Variants in TBXAS1 observed in about 807,000 individuals in gnomAD.
TBXAS1 encodes the protein thromboxane-A synthase.
TBXAS1 carries 48 observed loss-of-function variants against 60.7 expected under a neutral mutation model. The observed-to-expected ratio is 0.79, with a 90% CI of 0.63 to 1.01. TBXAS1 has a LOEUF of 1.01. Among genes scored for constraint, TBXAS1 ranks in the 50% least tolerant of loss-of-function variants. TBXAS1 has a pLI of 0.00. For missense variants in TBXAS1, 685 were observed against 686.3 expected (o/e 1.00, Z 0.02); for synonymous variants, 287 against 269.7 (o/e 1.06, Z -0.63).
At chr7:139,880,202 T>C (rs972228311) in intron 3 of TBXAS1, among the ~76,000 whole-genome samples, 7 of 152,212 alleles carry the variant, frequency 4.6e-5, no homozygotes, top group African/African-American at 1.7e-4. Flanking sequence ...GTCTTTTAAA[T>C]GCTTGCTCTA....
chr7:139,837,577 C>A (rs948210084), intron 1 of TBXAS1, among the ~76,000 whole-genome samples: 2 of 152,088 alleles, frequency 1.3e-5, no homozygotes. Context: ...AACCAAACAC[C>A]GTATGTTCTC....
At chr7:139,978,735 C>G (rs1252020866) in intron 9 of TBXAS1, among the ~76,000 whole-genome samples, 2 of 120,868 alleles carry the variant, frequency 1.7e-5, no homozygotes, top group Non-Finnish European at 3.3e-5. Context: ...GCAGGGAGTT[C>G]AATACCAGCT....
intron 9 of TBXAS1, among the ~76,000 whole-genome samples, chr7:139,972,016 C>T (rs1165380191): frequency 6.6e-6 from 1 of 152,196 alleles, no homozygotes; most frequent in Non-Finnish European, 1.5e-5. Flanking sequence ...CACATGCCTG[C>T]AATGGGGGTG....
intron 1 of TBXAS1, among the ~76,000 whole-genome samples, chr7:139,862,821 T>C (rs542692749): frequency 2.8e-4 from 42 of 152,340 alleles, no homozygotes; most frequent in African/African-American, 6.7e-4. Flanking sequence ...GTATATGTTA[T>C]TAATACACTT....
intron 4 of TBXAS1, among the ~76,000 whole-genome samples, chr7:139,926,679 A>G (rs1217141196): frequency 1.3e-5 from 2 of 149,882 alleles, no homozygotes; most frequent in African/African-American, 4.9e-5. Flanking sequence ...CTTTGGCTTT[A>G]GCTCCTGCTT....
chr7:139,965,752 C>T (rs1810738915), intron 9 of TBXAS1, among the ~76,000 whole-genome samples: 1 of 152,194 alleles, frequency 6.6e-6, no homozygotes, highest in Non-Finnish European at 1.5e-5. Context: ...GGAATATCTA[C>T]AGCTGTCTTT....
At chr7:139,910,653 T>A (rs1030504558) in intron 3 of TBXAS1, among the ~76,000 whole-genome samples, 3 of 152,186 alleles carry the variant, frequency 2.0e-5, no homozygotes, top group Non-Finnish European at 1.5e-5. Context: ...AAAAATAAAA[T>A]TTTAAAAAGT....
At chr7:140,014,717 TG>T (rs1437208820) in intron 10 of TBXAS1, among the ~76,000 whole-genome samples, 1 of 151,784 alleles carries the variant, frequency 6.6e-6, no homozygotes, top group Non-Finnish European at 1.5e-5. Flanking sequence ...GAGACCAGCC[TG>T]ACCAACATGG....
At chr7:139,920,316 A>G (rs1806358930) in intron 4 of TBXAS1, among the ~76,000 whole-genome samples, 1 of 152,124 alleles carries the variant, frequency 6.6e-6, no homozygotes, top group African/African-American at 2.4e-5. Context: ...GTTAAACCAC[A>G]CTTTCCTCTC....
chr7:139,898,986 C>T (rs747503575), intron 3 of TBXAS1, among the ~76,000 whole-genome samples: 1 of 151,260 alleles, frequency 6.6e-6, no homozygotes, highest in Non-Finnish European at 1.5e-5. Context: ...CTCGGGGGAC[C>T]AATCCAGTGA....
At chr7:139,819,160 C>T (rs1798228856) in intron 4 of TBXAS1, among the ~76,000 whole-genome samples, 1 of 152,248 alleles carries the variant, frequency 6.6e-6, no homozygotes, top group Admixed American at 6.5e-5. Context: ...ATTTCTCAGC[C>T]TCCTTTGCAA....
At chr7:139,989,204 A>C (rs1359623533) in intron 9 of TBXAS1, among the ~76,000 whole-genome samples, 1 of 152,196 alleles carries the variant, frequency 6.6e-6, no homozygotes, top group African/African-American at 2.4e-5. Context: ...GGTTGCCCTC[A>C]TTGGCCTGGG....
intron 3 of TBXAS1, among the ~76,000 whole-genome samples, chr7:139,888,704 A>G (rs1803308754): frequency 6.6e-6 from 1 of 152,174 alleles, no homozygotes; most frequent in Non-Finnish European, 1.5e-5. Context: ...ATCCAGGCAC[A>G]TATGCATGGG....
At chr7:139,947,116 C>A (rs1808783111) in intron 5 of TBXAS1, among the ~76,000 whole-genome samples, 1 of 151,940 alleles carries the variant, frequency 6.6e-6, no homozygotes, top group Non-Finnish European at 1.5e-5. Flanking sequence ...TGCACCTTGA[C>A]TCAAAATTTC....
intron 1 of TBXAS1, among the ~76,000 whole-genome samples, chr7:139,831,102 A>G (rs998039872): frequency 6.6e-6 from 1 of 152,214 alleles, no homozygotes; most frequent in African/African-American, 2.4e-5. Context: ...AAAAATATTT[A>G]TTAACCTGTT....
chr7:139,807,838 G>C lies in TBXAS1; in HGVS notation c.-80+20412G>C, dbSNP rs1291337056. Among the ~76,000 whole-genome samples the C allele has an allele frequency of 2.6e-5, 4 of 152,046 alleles. No individual in the cohort carries two copies. In the East Asian group the frequency reaches 7.7e-4, roughly 29 times the overall value. ...CCCTGTGTTTATTTTCCATGGCCTT[G>C]CCCCTGTCTGCTGGTAAATGGCCTT... On this transcript the variant is annotated intron_variant, in intron 4 of 16. Transcript: ENST00000336425.
intron 1 of TBXAS1, among the ~76,000 whole-genome samples, chr7:139,833,564 A>G (rs185271455): frequency 4.7e-4 from 71 of 150,546 alleles, no homozygotes; most frequent in African/African-American, 1.6e-3. Flanking sequence ...AGGTGCCTGT[A>G]GTCCCAGCTA....
chr7:139,992,140 C>A (rs574501824), intron 9 of TBXAS1, among the ~76,000 whole-genome samples: 20 of 152,322 alleles, frequency 1.3e-4, no homozygotes, highest in African/African-American at 4.1e-4. Flanking sequence ...TTGGTGGGGA[C>A]CACCTGCAGG....
At position 139,809,233 on chromosome 7, in the gene TBXAS1, T is replaced by TGATAGATAGATAGATA. The variant is rs55681043; in HGVS notation, c.-79-20056_-79-20041dup. ...ATAGATAGATAGATAGATAGATAGA[T>TGATAGATAGATAGATA]GATAGATAGATAGATAGATAGATAG... On this transcript the variant is annotated intron_variant, in intron 4 of 16. Transcript: ENST00000336425. 2.7e-4 allele frequency among the ~76,000 whole-genome samples: 35 copies of TGATAGATAGATAGATA among 130,996 alleles called. 1 individual carries two copies. The highest frequency in any genetic ancestry group is 3.6e-4 in the African/African-American group (12 of 33,790). 85.9% of individuals were successfully genotyped at this position (130,996 alleles called of 152,430 possible).
Sources: allele counts gnomAD v4.1 joint callset (sites outside exome capture counted in the v4.1 genomes callset), GRCh38; gene constraint gnomAD v4.1.1; transcripts MANE v1.5; gene names NCBI Gene and HGNC (gene_info 2026-07-23, HGNC 2026-07-21).